The following LEPR variants were observed in gnomAD, a reference collection of about 807,000 sequenced individuals.
The protein encoded by LEPR is OB receptor.
LEPR carries 56 observed loss-of-function variants against 114.7 expected under a neutral mutation model. That is an observed-to-expected ratio of 0.49 (90% CI 0.39 to 0.61). LEPR has a LOEUF of 0.61. Ranked by LOEUF, LEPR falls within the 20% of genes least tolerant of loss-of-function variation. LEPR has a pLI of 0.00. For missense variants in LEPR, 1,202 were observed against 1,352.9 expected, an observed-to-expected ratio of 0.89 and a Z score of 1.75; for synonymous variants, 443 against 461.4, an observed-to-expected ratio of 0.96 and a Z score of 0.51.
At chr1:65,541,164 G>C (rs561270641) in intron 2 of LEPR, among the ~76,000 whole-genome samples, 1 of 152,056 alleles carries the variant, frequency 6.6e-6, no homozygotes, top group Non-Finnish European at 1.5e-5. Context: ...TGGTATTATC[G>C]TGCTTTGACA....
intron 2 of LEPR, among the ~76,000 whole-genome samples, chr1:65,443,083 G>A (rs1245639738): frequency 6.6e-6 from 1 of 152,172 alleles, no homozygotes. Context: ...AGATATGTAA[G>A]TGGCAGAAAG....
Position 65,596,543 on chromosome 1 carries a change from C to T in LEPR, c.799C>T (p.Leu267Phe), listed in dbSNP as rs1302097381. Residue 267 changes from leucine to phenylalanine, a missense_variant, in exon 7 of 20, where the codon CTT becomes TTT. By Grantham distance (22) the Leu-to-Phe change is conservative (BLOSUM62 0). Coordinates refer to ENST00000349533, the MANE Select transcript of LEPR (RefSeq NM_002303.6). ...WSSPPLVPFP[L>F]QYQVKYSENS... ...CAGCCCACCATTGGTACCATTTCCA[C>T]TTCAATATCAAGTGAAATATTCAGA... is the stretch of plus-strand genomic sequence containing the variant. 2.5e-6 allele frequency: 4 copies of T among 1,612,460 alleles called. No individual in the cohort carries two copies. Among genetic ancestry groups the T allele is most frequent in the Non-Finnish European group, 3.4e-6 (4 of 1,179,108 alleles).
intron 5 of LEPR, among the ~76,000 whole-genome samples, chr1:65,592,350 A>G (rs2100896405): frequency 1.3e-5 from 2 of 151,146 alleles, no homozygotes; most frequent in Middle Eastern, 6.9e-3. Flanking sequence ...TCTGAAAAAA[A>G]AAGCCTTTAT....
At chr1:65,608,185 A>G (rs571778186) in intron 11 of LEPR, among the ~76,000 whole-genome samples, 13 of 151,238 alleles carry the variant, frequency 8.6e-5, no homozygotes, top group African/African-American at 3.2e-4. Flanking sequence ...TTAAAGTTCA[A>G]TGGAGAACAG....
chr1:65,558,526 G>GT (rs1187502644), intron 2 of LEPR, among the ~76,000 whole-genome samples: 20 of 7,746 alleles, frequency 2.6e-3, no homozygotes, highest in Admixed American at 3.0e-3. Context: ...TGAATCAGAA[G>GT]TTTTTTTTTT....
In LEPR at chr1:65,598,725, G is replaced by A. The variant is rs1656247211; in HGVS notation, c.915G>A (p.Glu305=). The part of the protein sequence containing the change: ...VDSILPGSSY[E]VQVRGKRLDG... The stretch of plus-strand genomic sequence containing the variant: ...GTATACTTCCTGGGTCTTCGTATGA[G>A]GTTCAGGTGAGGGGCAAGAGACTGG... The change falls in exon 8 of 20, where the codon GAG becomes GAA. Residue 305 remains glutamate (E), a synonymous_variant. Transcript: ENST00000349533. The A allele has an allele frequency of 1.2e-6, 2 of 1,613,392 alleles. No individual in the cohort carries two copies. The highest frequency in any genetic ancestry group is 1.7e-4 in the Middle Eastern group (1 of 6,044).
intron 5 of LEPR, among the ~76,000 whole-genome samples, chr1:65,589,334 G>T (rs2100882243): frequency 6.6e-6 from 1 of 152,124 alleles, no homozygotes; most frequent in South Asian, 2.1e-4. Flanking sequence ...TTATCAGATA[G>T]ATAATTGGCA....
At chr1:65,566,201 C>CTTTTTTT (rs35617332) in intron 3 of LEPR, among the ~76,000 whole-genome samples, 3 of 113,572 alleles carry the variant, frequency 2.6e-5, no homozygotes, top group Non-Finnish European at 5.4e-5. Context: ...TAGATTAATT[C>CTTTTTTT]TTTTTTTTTT....
rs1341977688 is a variant in LEPR at position 65,488,206 on chromosome 1, TTCTTTCTC to T, written c.-21+62832_-21+62839del. ...TTTCTTTCTTTCTTTCTTTCTTTCT[TTCTTTCTC>T]TCTCTCTCTCTCTCTTTCTTTCTTT... On this transcript the variant is annotated intron_variant, in intron 2 of 19. Transcript: ENST00000349533. Among the ~76,000 whole-genome samples the T allele has an allele frequency of 3.8e-4, 12 of 31,752 alleles. 1 individual carries two copies. Among genetic ancestry groups the T allele is most frequent in the African/African-American group, 8.4e-4 (6 of 7,176 alleles). The allele number at this position is 31,752 out of a possible 152,430, so 20.8% of individuals were successfully genotyped here.
At chr1:65,537,459 T>C (rs1650859955) in intron 2 of LEPR, among the ~76,000 whole-genome samples, 1 of 152,168 alleles carries the variant, frequency 6.6e-6, no homozygotes, top group African/African-American at 2.4e-5. Flanking sequence ...ACTGTCTGCT[T>C]TTCTTTTTTT....
chr1:65,613,952 T>C (rs1353020232), intron 14 of LEPR, among the ~76,000 whole-genome samples: 1 of 152,014 alleles, frequency 6.6e-6, no homozygotes, highest in Non-Finnish European at 1.5e-5. Context: ...CAATACAAAT[T>C]GCTGGTGAGG....
chr1:65,449,946 G>C (rs762598061), intron 2 of LEPR, among the ~76,000 whole-genome samples: 24 of 151,942 alleles, frequency 1.6e-4, no homozygotes, highest in Non-Finnish European at 3.1e-4. Flanking sequence ...ATTTTGAAAA[G>C]TCATGCTTTT....
At chr1:65,610,348 A>T (rs1657088749) in intron 14 of LEPR, 52 bp downstream of exon 14, 3 of 1,423,204 alleles carry the variant, frequency 2.1e-6, no homozygotes, top group African/African-American at 2.9e-5. Context: ...ACTCTTAAAA[A>T]TTTACTTCAT....
intron 2 of LEPR, among the ~76,000 whole-genome samples, chr1:65,539,204 A>G (rs1651004278): frequency 6.6e-6 from 1 of 151,056 alleles, no homozygotes; most frequent in African/African-American, 2.4e-5. Flanking sequence ...ATGGATCCAA[A>G]ACTTTCTGAA....
chr1:65,490,985 G>A (rs1647839151), intron 2 of LEPR, among the ~76,000 whole-genome samples: 1 of 152,152 alleles, frequency 6.6e-6, no homozygotes, highest in African/African-American at 2.4e-5. Context: ...TGAGGAATCT[G>A]GATGCCCATG....
chr1:65,595,725 G>T (rs1364041976), intron 6 of LEPR, among the ~76,000 whole-genome samples: 1 of 151,944 alleles, frequency 6.6e-6, no homozygotes, highest in African/African-American at 2.4e-5. Flanking sequence ...CCTGTTAATT[G>T]TAAAAACCTT....
At chr1:65,632,464 CAAAG>C (rs1658562005) in intron 19 of LEPR, among the ~76,000 whole-genome samples, 3 of 152,048 alleles carry the variant, frequency 2.0e-5, no homozygotes, top group Admixed American at 6.6e-5. Flanking sequence ...AAAAGGGAAA[CAAAG>C]AACATGTTCT....
chr1:65,424,156 A>G (rs1382151139), intron 1 of LEPR, among the ~76,000 whole-genome samples: 2 of 141,868 alleles, frequency 1.4e-5, no homozygotes, highest in African/African-American at 6.3e-5. Flanking sequence ...ACTCAGCAGC[A>G]CAACAAGGGC....
At chr1:65,481,898 A>T (rs1647252785) in intron 2 of LEPR, among the ~76,000 whole-genome samples, 1 of 151,574 alleles carries the variant, frequency 6.6e-6, no homozygotes, top group Non-Finnish European at 1.5e-5. Flanking sequence ...TAAGAATTAG[A>T]AGAAAAAAGA....
Sources: allele counts gnomAD v4.1 joint callset (sites outside exome capture counted in the v4.1 genomes callset), GRCh38; gene constraint gnomAD v4.1.1; transcripts MANE v1.5; gene names NCBI Gene and HGNC (gene_info 2026-07-23, HGNC 2026-07-21).